Variants in GASK1B observed in about 807,000 individuals in gnomAD.
GASK1B encodes the protein golgi associated kinase 1B, also known as Golgi-associated kinase 1B.
A neutral mutation model predicts 42.8 loss-of-function variants in GASK1B; 34 were observed. That is an observed-to-expected ratio of 0.79 (90% CI 0.60 to 1.06). GASK1B has a LOEUF of 1.06. Among genes scored for constraint, GASK1B ranks in the 50% least tolerant of loss-of-function variants. The probability of loss-of-function intolerance (pLI) is 0.00; values close to 1 mark genes in which losing one functional copy is unlikely to be tolerated. For synonymous variants in GASK1B, 262 were observed against 259.1 expected (o/e 1.01, Z -0.11); for missense variants, 686 against 661.0 (o/e 1.04, Z -0.42).
chr4:158,161,330 C>T (rs1202443819), intron 2 of GASK1B, among the ~76,000 whole-genome samples: 1 of 152,108 alleles, frequency 6.6e-6, no homozygotes, highest in African/African-American at 2.4e-5. Context: ...AAACAGGTCT[C>T]TGCGTGATTC....
At chr4:158,141,533 T>A (rs1731116019) in intron 3 of GASK1B, among the ~76,000 whole-genome samples, 1 of 151,038 alleles carries the variant, frequency 6.6e-6, no homozygotes, top group African/African-American at 2.4e-5. Context: ...AAGTCAAGTC[T>A]CCACTAGAAA....
chr4:158,149,910 G>C (rs1731481760), intron 3 of GASK1B, among the ~76,000 whole-genome samples: 1 of 98,284 alleles, frequency 1.0e-5, no homozygotes, highest in Non-Finnish European at 2.1e-5. Context: ...CTTAGATTTT[G>C]TTCTGCATGC....
rs1259256624 is a variant in GASK1B, at chr4:158,125,591, T to TA, written c.*1815dup. The TA allele has an allele frequency of 7.2e-5, 11 of 152,040 alleles. 1 individual carries two copies. Among genetic ancestry groups the TA allele is most frequent in the Admixed American group, 7.2e-4 (11 of 15,240 alleles). The allele number at this position is 152,040 out of a possible 1,614,324, so 9.4% of individuals were successfully genotyped here. A position where few individuals can be genotyped will look rare whatever the true frequency, so the allele number is the denominator to read the frequency against. On this transcript the variant is annotated 3_prime_UTR_variant, in exon 5 of 5. Transcript: ENST00000585682. The stretch of plus-strand genomic sequence containing the variant: ...GATTTATAAGAGAAGAAAAGGATCT[T>TA]AAAAATCCCAGAGACAGTGAGTAAA...
intron 2 of GASK1B, among the ~76,000 whole-genome samples, chr4:158,158,090 G>GGTCACATT (rs1731824271): frequency 6.6e-6 from 1 of 151,856 alleles, no homozygotes; most frequent in Admixed American, 6.6e-5. Flanking sequence ...AACAAAATCT[G>GGTCACATT]GTCACATTAT....
chr4:158,132,761 A>G (rs1460518837), intron 3 of GASK1B, among the ~76,000 whole-genome samples: 1 of 152,160 alleles, frequency 6.6e-6, no homozygotes, highest in African/African-American at 2.4e-5. Context: ...CTGGCCTAGA[A>G]ACAGTCACAG....
Position 158,155,725 on chromosome 4 carries a change from C to T in GASK1B, c.1011G>A (p.Gln337=), listed in dbSNP as rs1304888491. 1 of 1,613,834 alleles carries T rather than the reference C, an allele frequency of 6.2e-7. No individual in the cohort carries two copies. Among genetic ancestry groups the T allele is most frequent in the Non-Finnish European group, 8.5e-7 (1 of 1,179,750 alleles). Residue 337 remains glutamine, a synonymous_variant, in exon 3 of 5, where the codon CAG becomes CAA. Coordinates refer to ENST00000585682, the MANE Select transcript of GASK1B (RefSeq NM_001128424.2). The stretch of plus-strand genomic sequence containing the variant: ...TCTGCCAGCATTTCTGTTTCAGCAA[C>T]TGCTGATAAGTTCCCCAGGTGAGCT... ...SVKLTWGTYQ[Q]LLKQKCWQNG...
intron 1 of GASK1B, chr4:158,172,408 C>G (rs1271680413): frequency 6.6e-6 from 1 of 152,126 alleles, no homozygotes; most frequent in Non-Finnish European, 1.5e-5. Context: ...CTTTTAAAGG[C>G]TGAGGCATGT....
In GASK1B at chr4:158,125,252, ATT is replaced by A. The variant is rs1730406632; in HGVS notation, c.*2153_*2154del. 6.6e-6 allele frequency: 1 copy of A among 152,216 alleles called. No homozygotes were observed. The highest frequency in any genetic ancestry group is 2.4e-5 in the African/African-American group (1 of 41,462). The allele number at this position is 152,216 out of a possible 1,614,324, so 9.4% of individuals were successfully genotyped here. A position where few individuals can be genotyped will look rare whatever the true frequency, so the allele number is the denominator to read the frequency against. On this transcript the variant is annotated 3_prime_UTR_variant, in exon 5 of 5. Coordinates refer to ENST00000585682, the MANE Select transcript of GASK1B (RefSeq NM_001128424.2). The stretch of plus-strand genomic sequence containing the variant: ...TTCCTGGGACTTTCATTTAATAAGC[ATT>A]TTGGAATAACTGGAGGCAAATAAAC...
In GASK1B at chr4:158,171,461, TGCC is replaced by T; in HGVS notation, c.-89_-87del. 2.1e-6 allele frequency: 3 copies of T among 1,421,120 alleles called. No individual in the cohort carries two copies. The highest frequency in any genetic ancestry group is 2.8e-6 in the Non-Finnish European group (3 of 1,073,374). The allele number at this position is 1,421,120 out of a possible 1,614,324, so 88.0% of individuals were successfully genotyped here. On this transcript the variant is annotated 5_prime_UTR_variant, in exon 2 of 5. Transcript: ENST00000585682. The stretch of plus-strand genomic sequence containing the variant: ...TGATGCATGGTTTCCTGACTTCAGC[TGCC>T]GCGTCCGCTTCGGGATATAAGTGGT...
In GASK1B at chr4:158,127,273, G is replaced by A; in HGVS notation, c.*134C>T. On this transcript the variant is annotated 3_prime_UTR_variant, in exon 5 of 5. Transcript: ENST00000585682. ...TGCTAAGTCCCATTATAGCTACTTG[G>A]TTAAAGTCATTTATTTTACGTATTC... 1 of 729,042 alleles carries A rather than the reference G, an allele frequency of 1.4e-6. No individual in the cohort carries two copies. The highest frequency in any genetic ancestry group is 2.3e-6 in the Non-Finnish European group (1 of 433,790). 45.2% of individuals were successfully genotyped at this position (729,042 alleles called of 1,614,324 possible).
chr4:158,146,145 GT>G (rs34180957), intron 3 of GASK1B, among the ~76,000 whole-genome samples: 70 of 149,792 alleles, frequency 4.7e-4, no homozygotes, highest in South Asian at 8.4e-4. Context: ...ATAACTAGTT[GT>G]TTTTTTTTTT....
At chr4:158,166,632 GC>G (rs1457083349) in intron 2 of GASK1B, among the ~76,000 whole-genome samples, 1 of 152,090 alleles carries the variant, frequency 6.6e-6, no homozygotes, top group Non-Finnish European at 1.5e-5. Flanking sequence ...ATGAAATAAT[GC>G]AAGCACAGTA....
At chr4:158,141,948 T>C (rs1385668672) in intron 3 of GASK1B, among the ~76,000 whole-genome samples, 2 of 15,298 alleles carry the variant, frequency 1.3e-4, no homozygotes, top group Non-Finnish European at 3.6e-4. Context: ...TTTTTTTTTT[T>C]TTTTTTTGAG....
rs111558023 is a variant in GASK1B at position 158,155,599 on chromosome 4, T to G, written c.1125+12A>C. 6 of 1,610,144 alleles carry G rather than the reference T, an allele frequency of 3.7e-6. No homozygotes were observed. Among genetic ancestry groups the G allele is most frequent in the Admixed American group, 1.7e-5 (1 of 59,878 alleles). On this transcript the variant is annotated intron_variant, in intron 3 of 4. Coordinates refer to ENST00000585682, the MANE Select transcript of GASK1B (RefSeq NM_001128424.2). Reference sequence around the variant, plus strand: ...GTCTTAGATAACTATTTGCTTGATTTGATAAACTTACCTGTAACAAAAAAT... The same window carrying G: ...GTCTTAGATAACTATTTGCTTGATTGGATAAACTTACCTGTAACAAAAAAT...
intron 3 of GASK1B, among the ~76,000 whole-genome samples, chr4:158,153,835 T>C (rs1256651452): frequency 6.6e-6 from 1 of 152,086 alleles, no homozygotes; most frequent in Non-Finnish European, 1.5e-5. Flanking sequence ...CCTCATCTCT[T>C]ACCTTATACA....
rs1311388855 is a variant in GASK1B, at chr4:158,170,600, C to G, written c.776G>C (p.Arg259Pro). 7 of 1,613,888 alleles carry G rather than the reference C, an allele frequency of 4.3e-6. No individual in the cohort carries two copies. In the East Asian group the frequency reaches 1.3e-4, roughly 31 times the overall value. Residue 259 changes from arginine to proline, a missense_variant, in exon 2 of 5, where the codon CGC (arginine) becomes CCC (proline). Arg to Pro is a moderately radical substitution (Grantham distance 103). Coordinates refer to ENST00000585682, the MANE Select transcript of GASK1B (RefSeq NM_001128424.2). ...AAGCCCACAGGGGCTAGGGCCACAG[C>G]GGAGCACAGCGCCAGGTGCGCCCCC... is the stretch of plus-strand genomic sequence containing the variant. Reference protein sequence around the residue: ...LEGGAPGAVLRCGPSPCGLLK... With the variant: ...LEGGAPGAVLPCGPSPCGLLK...
chr4:158,134,063 C>T (rs1023960983), intron 3 of GASK1B, among the ~76,000 whole-genome samples: 2 of 152,154 alleles, frequency 1.3e-5, no homozygotes, highest in African/African-American at 4.8e-5. Flanking sequence ...CAAGGGCTTA[C>T]GTACCTCTTA....
In GASK1B at chr4:158,130,820, T is replaced by A. The variant is rs759056225; in HGVS notation, c.1318A>T (p.Asn440Tyr). The A allele has an allele frequency of 6.2e-7, 1 of 1,613,474 alleles. No homozygotes were observed. Among genetic ancestry groups the A allele is most frequent in the Non-Finnish European group, 8.5e-7 (1 of 1,179,930 alleles). Residue 440 changes from asparagine (N) to tyrosine (Y), a missense_variant, in exon 4 of 5, where the codon AAC becomes TAC. Transcript: ENST00000585682. ...NKGFFDRSED[N>Y]LNFKLLEGIK... ...CCTTCTAACAATTTGAAGTTTAAGT[T>A]ATCTTCACTCCTGTCAAAGAAACCC... is the stretch of plus-strand genomic sequence containing the variant.
chr4:158,151,733 T>A (rs1353993972), intron 3 of GASK1B, among the ~76,000 whole-genome samples: 1 of 152,128 alleles, frequency 6.6e-6, no homozygotes, highest in Non-Finnish European at 1.5e-5. Context: ...ACAACCCTCC[T>A]AGATTGAACT....
Sources: gnomAD v4.1 joint callset for allele counts (sites outside exome capture counted in the v4.1 genomes callset) on GRCh38, gnomAD v4.1.1 for gene constraint, MANE v1.5 for transcripts, NCBI Gene and HGNC (gene_info 2026-07-23, HGNC 2026-07-21) for gene names.